The following ANO10 variants were observed in gnomAD, a reference collection of about 807,000 sequenced individuals.
The protein encoded by ANO10 is anoctamin-10.
ANO10 carries 77 observed loss-of-function variants against 74.7 expected under a neutral mutation model. The ratio of observed to expected loss-of-function variants is 1.03; its 90% confidence interval spans 0.86 to 1.25. ANO10 has a LOEUF of 1.25. Among genes scored for constraint, ANO10 ranks in the 50% most tolerant of loss-of-function variants. The pLI, the probability that ANO10 is intolerant of heterozygous loss-of-function variation, is 0.00. For missense variants in ANO10, 721 were observed against 778.1 expected, an observed-to-expected ratio of 0.93 and a Z score of 0.87; for synonymous variants, 279 against 284.9, an observed-to-expected ratio of 0.98 and a Z score of 0.21.
At chr3:43,602,316 G>C (rs780446978) in intron 2 of ANO10, among the ~76,000 whole-genome samples, 5 of 152,080 alleles carry the variant, frequency 3.3e-5, no homozygotes, top group African/African-American at 4.8e-5. Context: ...ATAGAAACTG[G>C]CATAACCTTT....
intron 11 of ANO10, among the ~76,000 whole-genome samples, chr3:43,450,026 G>A (rs1046619425): frequency 2.6e-5 from 4 of 151,944 alleles, no homozygotes; most frequent in African/African-American, 9.7e-5. Flanking sequence ...CCTAAGTACT[G>A]CATTTTTTTG....
intron 9 of ANO10, among the ~76,000 whole-genome samples, chr3:43,559,962 C>A (rs1360911149): frequency 6.6e-6 from 1 of 152,036 alleles, no homozygotes; most frequent in East Asian, 1.9e-4. Context: ...TGTTACTGTT[C>A]AAAGTTTACT....
At position 43,561,404 on chromosome 3, in the gene ANO10, T is replaced by C; in HGVS notation, c.1294-2A>G. On this transcript the variant is annotated splice_acceptor_variant, in intron 8 of 12. Transcript: ENST00000292246. LOFTEE classifies it high-confidence loss of function. ...GGTAATTAGGAGAGTGGCCAAGCTC[T>C]AAAGAGAAGCACACAAATCACATTT... 6.2e-7 allele frequency: 1 copy of C among 1,613,734 alleles called. No individual in the cohort carries two copies. Among genetic ancestry groups the C allele is most frequent in the South Asian group, 1.1e-5 (1 of 91,058 alleles).
chr3:43,535,294 G>T (rs1342488429), intron 11 of ANO10, among the ~76,000 whole-genome samples: 2 of 145,834 alleles, frequency 1.4e-5, no homozygotes, highest in East Asian at 2.0e-4. Context: ...TTTTTGAAGG[G>T]GGGAAGAGGT....
At chr3:43,689,018 G>C (rs1265421368) in intron 1 of ANO10, among the ~76,000 whole-genome samples, 1 of 152,140 alleles carries the variant, frequency 6.6e-6, no homozygotes, top group Non-Finnish European at 1.5e-5. Context: ...TACATGACTA[G>C]AGCAGGAGCA....
At chr3:43,552,491 A>G (rs916769156) in intron 10 of ANO10, among the ~76,000 whole-genome samples, 1 of 151,964 alleles carries the variant, frequency 6.6e-6, no homozygotes, top group Non-Finnish European at 1.5e-5. Context: ...ATAAGAGAAG[A>G]AAAGTCTATT....
chr3:43,536,272 T>TC (rs2078706071), intron 11 of ANO10, among the ~76,000 whole-genome samples: 1 of 152,230 alleles, frequency 6.6e-6, no homozygotes, highest in African/African-American at 2.4e-5. Flanking sequence ...CTGTGATCCC[T>TC]CACTCATTAG....
intron 10 of ANO10, among the ~76,000 whole-genome samples, chr3:43,554,058 A>G (rs1022499422): frequency 2.0e-5 from 3 of 152,016 alleles, no homozygotes; most frequent in African/African-American, 7.2e-5. Flanking sequence ...TGAAACTTTT[A>G]TATAAGGCTG....
intron 11 of ANO10, among the ~76,000 whole-genome samples, chr3:43,458,088 C>T (rs1056961042): frequency 6.6e-6 from 1 of 152,192 alleles, no homozygotes; most frequent in African/African-American, 2.4e-5. Context: ...GGAGTCAGAA[C>T]TCTCATTTTG....
At chr3:43,492,094 A>T (rs1336963961) in intron 11 of ANO10, among the ~76,000 whole-genome samples, 3 of 152,122 alleles carry the variant, frequency 2.0e-5, no homozygotes, top group Non-Finnish European at 4.4e-5. Flanking sequence ...TCCAAAAACC[A>T]GAACACCTCA....
intron 1 of ANO10, among the ~76,000 whole-genome samples, chr3:43,656,421 C>T (rs1023581324): frequency 3.3e-5 from 5 of 152,246 alleles, no homozygotes; most frequent in African/African-American, 4.8e-5. Context: ...CTGTGCCGTG[C>T]GCTCGCACTC....
chr3:43,553,104 A>G lies in ANO10; in HGVS notation c.1668+2174T>C, dbSNP rs144827536. 5.8e-4 allele frequency among the ~76,000 whole-genome samples: 88 copies of G among 152,174 alleles called. No individual in the cohort carries two copies. In the Middle Eastern group the frequency reaches 0.014, roughly 24 times the overall value. On this transcript the variant is annotated intron_variant, in intron 10 of 12. Transcript: ENST00000292246. ...CCGCTGCACCCAGCCAGGATTCTAT[A>G]TTGACAATACTTTAAGGACCTGAAA...
At chr3:43,457,402 C>T (rs1023730465) in intron 11 of ANO10, among the ~76,000 whole-genome samples, 6 of 152,310 alleles carry the variant, frequency 3.9e-5, no homozygotes, top group Admixed American at 6.5e-5. Context: ...AACTTACAAT[C>T]GTGGCAGAAG....
At chr3:43,388,036 C>G (rs567404823) in intron 12 of ANO10, among the ~76,000 whole-genome samples, 30 of 152,250 alleles carry the variant, frequency 2.0e-4, no homozygotes, top group Admixed American at 1.8e-3. Context: ...GAAATACATG[C>G]AGGAAGGCTT....
intron 11 of ANO10, among the ~76,000 whole-genome samples, chr3:43,492,983 C>T (rs1168776587): frequency 6.6e-6 from 1 of 152,144 alleles, no homozygotes; most frequent in Non-Finnish European, 1.5e-5. Context: ...AAGACACATG[C>T]ACATGTATGT....
chr3:43,664,725 A>G (rs2083967182), intron 1 of ANO10, among the ~76,000 whole-genome samples: 1 of 152,226 alleles, frequency 6.6e-6, no homozygotes, highest in South Asian at 2.1e-4. Flanking sequence ...AAGGATATGA[A>G]CAGACCCTTC....
At chr3:43,497,178 TGTGA>T (rs1383475143) in intron 11 of ANO10, among the ~76,000 whole-genome samples, 1 of 152,228 alleles carries the variant, frequency 6.6e-6, no homozygotes, top group Non-Finnish European at 1.5e-5. Context: ...AGGGTAAATG[TGTGA>T]GTAATTCCTA....
intron 11 of ANO10, among the ~76,000 whole-genome samples, chr3:43,497,527 C>G (rs1166627185): frequency 6.6e-6 from 1 of 152,096 alleles, no homozygotes; most frequent in African/African-American, 2.4e-5. Flanking sequence ...GAAAGGAACT[C>G]TCTTTCAGGC....
chr3:43,492,168 T>C (rs60329676), intron 11 of ANO10, among the ~76,000 whole-genome samples: 14,044 of 152,238 alleles, frequency 0.092, 1,010 homozygotes, highest in African/African-American at 0.2. Flanking sequence ...TTGACAAACC[T>C]GACACACACA....
Sources: gnomAD v4.1 joint callset for allele counts (sites outside exome capture counted in the v4.1 genomes callset) on GRCh38, gnomAD v4.1.1 for gene constraint, MANE v1.5 for transcripts, NCBI Gene and HGNC (gene_info 2026-07-23, HGNC 2026-07-21) for gene names.